Variants in SOX5 observed in about 807,000 individuals in gnomAD.
SOX5 encodes SRY-box transcription factor 5.
Under a neutral mutation model 92.0 loss-of-function variants are expected in SOX5, and 9 were observed. The observed-to-expected ratio is 0.10, with a 90% CI of 0.06 to 0.17. SOX5 has a LOEUF of 0.17. Among genes scored for constraint, SOX5 ranks in the 10% least tolerant of loss-of-function variants. The pLI, the probability that SOX5 is intolerant of heterozygous loss-of-function variation, is 1.00. For missense variants in SOX5, 642 were observed against 944.5 expected (o/e 0.68, Z 4.20); for synonymous variants, 344 against 336.3 (o/e 1.02, Z -0.25).
chr12:24,054,691 T>C (rs1592720147), intron 4 of SOX5, among the ~76,000 whole-genome samples: 1 of 152,092 alleles, frequency 6.6e-6, no homozygotes. Flanking sequence ...AATATGAAAT[T>C]TCTCTTCAAA....
At chr12:23,606,655 A>G (rs1470115377) in intron 8 of SOX5, among the ~76,000 whole-genome samples, 5 of 152,078 alleles carry the variant, frequency 3.3e-5, no homozygotes, top group Admixed American at 3.3e-4. Flanking sequence ...CCAAAGAAAT[A>G]TAAGAACTAT....
intron 6 of SOX5, among the ~76,000 whole-genome samples, chr12:23,716,663 C>T (rs2092517724): frequency 6.6e-6 from 1 of 152,130 alleles, no homozygotes; most frequent in Non-Finnish European, 1.5e-5. Flanking sequence ...AAACATCATT[C>T]GTATGTTCTG....
chr12:23,685,073 G>A (rs1383139147), intron 6 of SOX5, among the ~76,000 whole-genome samples: 1 of 152,076 alleles, frequency 6.6e-6, no homozygotes, highest in Non-Finnish European at 1.5e-5. Flanking sequence ...TTAGCATCAT[G>A]TCACACTTCA....
chr12:24,148,688 T>TAAAAAAAAAAAAAAAAAAAAA (rs398018872), intron 4 of SOX5, among the ~76,000 whole-genome samples: 3 of 70,950 alleles, frequency 4.2e-5, no homozygotes, highest in African/African-American at 8.6e-5. Context: ...CCATCTCTAC[T>TAAAAAAAAAAAAAAAAAAAAA]AAAAAAAAAA....
At chr12:23,733,409 A>C (rs897109563) in intron 6 of SOX5, among the ~76,000 whole-genome samples, 46 of 152,336 alleles carry the variant, frequency 3.0e-4, no homozygotes, top group African/African-American at 1.1e-3. Flanking sequence ...AACAGTTTTA[A>C]ACCACTGAAA....
At chr12:23,576,245 G>A (rs1949091854) in intron 9 of SOX5, among the ~76,000 whole-genome samples, 1 of 151,624 alleles carries the variant, frequency 6.6e-6, no homozygotes, top group Non-Finnish European at 1.5e-5. Context: ...TTTGTACCCT[G>A]GTACCTAGGC....
chr12:24,524,384 T>TATCTATCTATCTATCC (rs1555335472), intron 1 of SOX5, among the ~76,000 whole-genome samples: 9 of 125,246 alleles, frequency 7.2e-5, no homozygotes, highest in African/African-American at 2.5e-4. Context: ...TCTATCTATC[T>TATCTATCTATCTATCC]ATCCATCCAT....
At chr12:24,390,134 T>C (rs1015792163) in intron 1 of SOX5, among the ~76,000 whole-genome samples, 13 of 152,212 alleles carry the variant, frequency 8.5e-5, no homozygotes, top group African/African-American at 2.9e-4. Context: ...CCTCTTTATA[T>C]GAACTCTCAG....
At chr12:24,519,762 G>A (rs1002745497) in intron 1 of SOX5, among the ~76,000 whole-genome samples, 5 of 152,132 alleles carry the variant, frequency 3.3e-5, no homozygotes, top group African/African-American at 1.2e-4. Context: ...GCTTTAAACA[G>A]GAGTGAAATG....
chr12:24,351,584 A>C (rs1231192898), intron 2 of SOX5, among the ~76,000 whole-genome samples: 1 of 152,216 alleles, frequency 6.6e-6, no homozygotes, highest in Non-Finnish European at 1.5e-5. Flanking sequence ...CTATACTTAA[A>C]GTATCATTTT....
chr12:24,530,307 G>C (rs1951075572), intron 1 of SOX5, among the ~76,000 whole-genome samples: 1 of 152,210 alleles, frequency 6.6e-6, no homozygotes, highest in Non-Finnish European at 1.5e-5. Context: ...TCAGTGACCT[G>C]AGCATAGTGA....
chr12:24,367,533 A>G (rs1161906031), intron 2 of SOX5, among the ~76,000 whole-genome samples: 1 of 152,212 alleles, frequency 6.6e-6, no homozygotes, highest in Non-Finnish European at 1.5e-5. Flanking sequence ...GTAAATTTAT[A>G]GTGTATCCAT....
chr12:24,213,187 A>G lies in SOX5; in HGVS notation c.-2+156T>C, dbSNP rs190579860. Among the ~76,000 whole-genome samples, 9 of 152,260 alleles carry G rather than the reference A, an allele frequency of 5.9e-5. No individual in the cohort carries two copies. The East Asian group carries it at 1.7e-3, about 29-fold the overall frequency. On this transcript the variant is annotated intron_variant, in intron 4 of 4. Coordinates refer to the SOX5 transcript ENST00000446891. The stretch of plus-strand genomic sequence containing the variant: ...CAAACTATAAAAGGAAGATGCCCAA[A>G]TGCTCAACTTCTTACATTATTAGAG...
chr12:24,143,804 T>C (rs1474160090), intron 4 of SOX5, among the ~76,000 whole-genome samples: 2 of 138,412 alleles, frequency 1.4e-5, no homozygotes, highest in Non-Finnish European at 3.1e-5. Flanking sequence ...AGAGAATGGA[T>C]GGAGAAGAAA....
At chr12:23,874,833 C>T (rs564325698) in intron 2 of SOX5, among the ~76,000 whole-genome samples, 2 of 152,322 alleles carry the variant, frequency 1.3e-5, no homozygotes, top group Non-Finnish European at 2.9e-5. Flanking sequence ...ATGCTACCTA[C>T]AGCAAAGTCC....
Position 24,392,594 on chromosome 12 carries a change from C to G in SOX5, c.-250-23955G>C, listed in dbSNP as rs530149021. On this transcript the variant is annotated intron_variant, in intron 1 of 4. Coordinates refer to the SOX5 transcript ENST00000446891. The stretch of plus-strand genomic sequence containing the variant: ...TGGTCTCATTGTCTAAATCAGTACC[C>G]CCAACCCTACCCTCACCCTGTTTTA... Among the ~76,000 whole-genome samples the G allele has an allele frequency of 5.1e-3, 783 of 152,094 alleles. 5 individuals are homozygous for G. The highest frequency in any genetic ancestry group is 0.018 in the African/African-American group (737 of 41,490).
At chr12:23,812,322 T>C (rs2095890016) in intron 3 of SOX5, among the ~76,000 whole-genome samples, 1 of 152,128 alleles carries the variant, frequency 6.6e-6, no homozygotes, top group African/African-American at 2.4e-5. Flanking sequence ...TCATATTTTC[T>C]TGCCAACATC....
chr12:23,632,625 C>G (rs1400592369), intron 8 of SOX5, among the ~76,000 whole-genome samples: 1 of 152,098 alleles, frequency 6.6e-6, no homozygotes. Context: ...TCTTCAGAGA[C>G]TGGCAGGAGT....
intron 4 of SOX5, among the ~76,000 whole-genome samples, chr12:24,096,122 A>G (rs1419222286): frequency 6.6e-6 from 1 of 152,134 alleles, no homozygotes; most frequent in African/African-American, 2.4e-5. Flanking sequence ...AAATTTTTAA[A>G]CATTTTTTAT....
Sources: gnomAD v4.1 joint callset for allele counts (sites outside exome capture counted in the v4.1 genomes callset) on GRCh38, gnomAD v4.1.1 for gene constraint, MANE v1.5 for transcripts, NCBI Gene and HGNC (gene_info 2026-07-23, HGNC 2026-07-21) for gene names.